DNA2: variants seen among roughly 807,000 people sequenced by gnomAD.
The protein encoded by DNA2 is DNA replication helicase/nuclease 2, also known as DNA replication ATP-dependent helicase/nuclease DNA2.
Under a neutral mutation model 119.1 loss-of-function variants are expected in DNA2, and 101 were observed. The ratio of observed to expected loss-of-function variants is 0.85; its 90% confidence interval spans 0.72 to 1.00. The LOEUF (loss-of-function observed/expected upper bound fraction) is 1.00. Among genes scored for constraint, DNA2 ranks in the 50% least tolerant of loss-of-function variants. DNA2 has a pLI of 0.00. For synonymous variants in DNA2, 366 were observed against 424.4 expected (o/e 0.86, Z 1.69); for missense variants, 1,121 against 1,255.5 (o/e 0.89, Z 1.62).
chr10:68,432,917 C>G (rs1005508639), intron 10 of DNA2, among the ~76,000 whole-genome samples: 7 of 152,112 alleles, frequency 4.6e-5, no homozygotes, highest in African/African-American at 1.7e-4. Flanking sequence ...TCCCTAGAGT[C>G]CCTTCCCTGG....
At chr10:68,421,751 AAAAG>A (rs1415822209) in intron 17 of DNA2, among the ~76,000 whole-genome samples, 1 of 152,192 alleles carries the variant, frequency 6.6e-6, no homozygotes, top group African/African-American at 2.4e-5. Context: ...CAAAAAAAGA[AAAAG>A]AAAGGAAAAA....
In DNA2 at chr10:68,414,349, A is replaced by T. The variant is rs1368908867; in HGVS notation, c.*690T>A. 2 of 152,118 alleles carry T rather than the reference A, an allele frequency of 1.3e-5. No homozygotes were observed. The highest frequency in any genetic ancestry group is 2.9e-5 in the Non-Finnish European group (2 of 68,022). The allele number at this position is 152,118 out of a possible 1,614,324, so 9.4% of individuals were successfully genotyped here. ...AAAACTGAGTGATACCCCCAAACAT[A>T]GGGGCATATGAACATATGTGAAAAT... On this transcript the variant is annotated 3_prime_UTR_variant, in exon 21 of 21. Transcript: ENST00000358410.
In DNA2 at chr10:68,422,052, A is replaced by G. The variant is rs145853074; in HGVS notation, c.2697+173T>C. Among the ~76,000 whole-genome samples, 254 of 152,226 alleles carry G rather than the reference A, an allele frequency of 1.7e-3. 4 individuals are homozygous for G. The East Asian group carries it at 0.046, about 28-fold the overall frequency. ...CTGGTCTTGAATTCCTGACCTTGTGATCTGCCCGCCTTGGCCTCGCAAAGT... is the reference window on the plus strand; with the variant it reads ...CTGGTCTTGAATTCCTGACCTTGTGGTCTGCCCGCCTTGGCCTCGCAAAGT... On this transcript the variant is annotated intron_variant, in intron 17 of 20. Transcript: ENST00000358410.
chr10:68,416,537 G>T, intron 20 of DNA2, 172 bp downstream of exon 20: 1 of 586,928 alleles, frequency 1.7e-6, no homozygotes, highest in Non-Finnish European at 3.0e-6. Flanking sequence ...GCTGGGGGCC[G>T]TGGCTCACAT....
chr10:68,450,227 T>C lies in DNA2; in HGVS notation c.740A>G (p.Asp247Gly), dbSNP rs763706868. ...GACTTCAATGTTACATGTTGAATTA[T>C]CCTTACTATTATCACTTGGCCTGAA... ...QLSLPSDNSK[D>G]NSTCNIEVVK... Residue 247 changes from aspartate to glycine, a missense_variant, in exon 6 of 21, where the codon GAT becomes GGT. By Grantham distance (94) the Asp-to-Gly change is moderately conservative. Coordinates refer to ENST00000358410, the MANE Select transcript of DNA2 (RefSeq NM_001080449.3). 5 of 1,579,616 alleles carry C rather than the reference T, an allele frequency of 3.2e-6. No homozygotes were observed. Among genetic ancestry groups the C allele is most frequent in the South Asian group, 1.2e-5 (1 of 86,782 alleles).
intron 6 of DNA2, among the ~76,000 whole-genome samples, chr10:68,446,988 C>G (rs2052048273): frequency 6.6e-6 from 1 of 152,024 alleles, no homozygotes; most frequent in African/African-American, 2.4e-5. Flanking sequence ...ATTTTAAAAT[C>G]ACTAAAGGAG....
At chr10:68,435,170 C>T (rs538779765) in intron 10 of DNA2, among the ~76,000 whole-genome samples, 76 of 151,964 alleles carry the variant, frequency 5.0e-4, no homozygotes, top group African/African-American at 7.7e-4. Flanking sequence ...CGTCCCACCT[C>T]GGCCTCCACA....
chr10:68,424,529 GC>G (rs1439882035), intron 14 of DNA2: 3 of 732,384 alleles, frequency 4.1e-6, no homozygotes, highest in African/African-American at 3.5e-5. Flanking sequence ...AACAAAACAG[GC>G]CTGAGGCCGC....
In DNA2 at chr10:68,416,861, A is replaced by G; in HGVS notation, c.2968-6T>C. On this transcript the variant is annotated splice_region_variant and splice_polypyrimidine_tract_variant and intron_variant, in intron 19 of 20. Transcript: ENST00000358410. ...TCTTTCAAGAGTTCACCAACCTGTA[A>G]GAAATATAATTTTCAATTATTCAAG... 1.2e-6 allele frequency: 2 copies of G among 1,600,136 alleles called. No homozygotes were observed. Among genetic ancestry groups the G allele is most frequent in the Non-Finnish European group, 1.7e-6 (2 of 1,172,774 alleles).
intron 6 of DNA2, among the ~76,000 whole-genome samples, chr10:68,447,516 CAAAAAAAAAA>C (rs1165549043): frequency 2.0e-4 from 11 of 54,754 alleles, no homozygotes; most frequent in African/African-American, 6.9e-4. Flanking sequence ...GACTTCACCT[CAAAAAAAAAA>C]AAAAAAAAAA....
chr10:68,415,682 T>G (rs1456274882), intron 20 of DNA2, among the ~76,000 whole-genome samples: 1 of 152,072 alleles, frequency 6.6e-6, no homozygotes, highest in Non-Finnish European at 1.5e-5. Context: ...TTTGTTTTGT[T>G]TTTTGAGACG....
At chr10:68,427,597 C>A (rs1391296618) in intron 14 of DNA2, among the ~76,000 whole-genome samples, 1 of 150,830 alleles carries the variant, frequency 6.6e-6, no homozygotes, top group African/African-American at 2.4e-5. Context: ...TGCAGTGAGG[C>A]GTGGTCTCAC....
intron 2 of DNA2, among the ~76,000 whole-genome samples, chr10:68,469,176 G>T (rs77881755): frequency 6.6e-6 from 1 of 151,946 alleles, no homozygotes; most frequent in Non-Finnish European, 1.5e-5. Flanking sequence ...GAAATCTAAG[G>T]CCTAAGAATG....
Position 68,450,090 on chromosome 10 carries a change from T to C in DNA2, c.877A>G (p.Lys293Glu), listed in dbSNP as rs1182617652. 1.7e-5 allele frequency: 28 copies of C among 1,603,516 alleles called. No homozygotes were observed. The highest frequency in any genetic ancestry group is 2.4e-5 in the Non-Finnish European group (28 of 1,174,166). ...KIHRGYKTKY[K>E]IMPLELKTGK... is the part of the protein sequence containing the mutation. ...GTTTTAAGTTCCAGCGGCATTATCTTGTATTTTGTTTTATACCCTCGATGT... is the reference window on the plus strand; with the variant it reads ...GTTTTAAGTTCCAGCGGCATTATCTCGTATTTTGTTTTATACCCTCGATGT... Residue 293 changes from lysine (K) to glutamate (E), a missense_variant, in exon 6 of 21, where the codon AAG (lysine) becomes GAG (glutamate). Lys to Glu is a moderately conservative substitution (Grantham distance 56, BLOSUM62 1). Coordinates refer to ENST00000358410, the MANE Select transcript of DNA2 (RefSeq NM_001080449.3).
At position 68,432,441 on chromosome 10, in the gene DNA2, A is replaced by T. The variant is rs539959915; in HGVS notation, c.1716T>A (p.Asp572Glu). The change falls in exon 11 of 21, where the codon GAT becomes GAA. Residue 572 changes from aspartate (D) to glutamate (E), a missense_variant. By Grantham distance (45) the Asp-to-Glu change is conservative. Coordinates refer to ENST00000358410, the MANE Select transcript of DNA2 (RefSeq NM_001080449.3). Reference sequence around the variant, plus strand: ...ATTTGGAAAGATTTCCTAATGGGGTATCTATATCACAATTTTTTTCTTCTT... The same window carrying T: ...ATTTGGAAAGATTTCCTAATGGGGTTTCTATATCACAATTTTTTTCTTCTT... Reference protein sequence around the residue: ...LDQEEKNCDIDTPLGNLSKLM... With the variant: ...LDQEEKNCDIETPLGNLSKLM... The T allele has an allele frequency of 1.3e-6, 2 of 1,597,264 alleles. No homozygotes were observed. The highest frequency in any genetic ancestry group is 2.7e-5 in the African/African-American group (2 of 74,566).
At chr10:68,470,230 A>G in intron 1 of DNA2, 67 bp from the exon 2 acceptor site, 4 of 1,352,408 alleles carry the variant, frequency 3.0e-6, no homozygotes, top group Non-Finnish European at 3.0e-6. Context: ...AATATGTTTT[A>G]TCTACAAACC....
At chr10:68,423,508 C>T (rs2041297149) in intron 14 of DNA2, among the ~76,000 whole-genome samples, 1 of 152,150 alleles carries the variant, frequency 6.6e-6, no homozygotes, top group Admixed American at 6.6e-5. Context: ...AAAAGGAAAG[C>T]CTAGCTAGAC....
chr10:68,470,610 G>C (rs1377257786), intron 1 of DNA2: 2 of 452,286 alleles, frequency 4.4e-6, no homozygotes, highest in Non-Finnish European at 8.8e-6. Context: ...AAAGACCCCG[G>C]TTCTGGCGGA....
Position 68,414,946 on chromosome 10 carries a change from T to C in DNA2, c.*93A>G, listed in dbSNP as rs1025729491. The C allele has an allele frequency of 1.2e-5, 9 of 766,422 alleles. No homozygotes were observed. The highest frequency in any genetic ancestry group is 1.7e-5 in the Non-Finnish European group (8 of 475,710). 47.5% of individuals were successfully genotyped at this position (766,422 alleles called of 1,614,324 possible). A position where few individuals can be genotyped will look rare whatever the true frequency, so the allele number is the denominator to read the frequency against. ...CACCTGTGCTTTAAAACATAAATAC[T>C]GCATTAAATTTTGTATGGTGATAGA... On this transcript the variant is annotated 3_prime_UTR_variant, in exon 21 of 21. Transcript: ENST00000358410.
Sources: gnomAD v4.1 joint callset for allele counts (sites outside exome capture counted in the v4.1 genomes callset) on GRCh38, gnomAD v4.1.1 for gene constraint, MANE v1.5 for transcripts, NCBI Gene and HGNC (gene_info 2026-07-23, HGNC 2026-07-21) for gene names.